Variants in CDK14 observed in about 807,000 individuals in gnomAD.
CDK14 encodes cyclin dependent kinase 14, also known as cyclin-dependent kinase 14.
In CDK14, 34 loss-of-function variants were observed where a neutral mutation model predicts 60.7. The ratio of observed to expected loss-of-function variants is 0.56; its 90% CI spans 0.43 to 0.75. CDK14 has a LOEUF of 0.75. CDK14 is among the 30% of genes least tolerant of loss of function. CDK14 has a pLI of 0.00. For missense variants in CDK14, 482 were observed against 564.1 expected, an observed-to-expected ratio of 0.85 and a Z score of 1.47; for synonymous variants, 197 against 203.7, an observed-to-expected ratio of 0.97 and a Z score of 0.28.
intron 7 of CDK14, 124 bp downstream of exon 7, chr7:90,899,477 A>G: frequency 3.5e-6 from 2 of 571,564 alleles, no homozygotes; most frequent in Non-Finnish European, 5.8e-6. Context: ...GAGAAGGGAT[A>G]TTGAGGTGAA....
intron 14 of CDK14, among the ~76,000 whole-genome samples, chr7:91,201,391 C>T (rs928959344): frequency 2.6e-5 from 4 of 152,066 alleles, no homozygotes; most frequent in South Asian, 4.2e-4. Context: ...ACAATTTAGG[C>T]GATGAAAGGA....
Position 90,917,699 on chromosome 7 carries a change from G to A in CDK14, c.801G>A (p.Thr267=), listed in dbSNP as rs762907025. Residue 267 remains threonine (T), a synonymous_variant, in exon 8 of 15, where the codon ACG becomes ACA. Transcript: ENST00000380050. ...LKPQNLLISD[T]GELKLADFGL... is the part of the protein sequence containing the mutation. The stretch of plus-strand genomic sequence containing the variant: ...CACAGAACCTTCTGATCAGTGACAC[G>A]GGGGAGTTAAAGCTGGCAGATTTCG... The A allele has an allele frequency of 1.1e-5, 17 of 1,613,000 alleles. No individual in the cohort carries two copies. The highest frequency in any genetic ancestry group is 6.7e-5 in the African/African-American group (5 of 74,860).
chr7:90,923,791 G>C (rs1481362987), intron 8 of CDK14, among the ~76,000 whole-genome samples: 1 of 152,182 alleles, frequency 6.6e-6, no homozygotes, highest in Admixed American at 6.5e-5. Context: ...TGTACAATTT[G>C]AGGGCAGAAT....
intron 5 of CDK14, among the ~76,000 whole-genome samples, chr7:90,847,139 T>C (rs988462519): frequency 2.6e-5 from 4 of 152,206 alleles, no homozygotes; most frequent in African/African-American, 7.2e-5. Context: ...CTGGAGGTGT[T>C]CTTGGATGCT....
rs1414977982 is a variant in CDK14, at chr7:91,112,590, A to G, written c.1203A>G (p.Gln401=). ...HAEDLASKLL[Q]CSPKNRLSAQ... is the part of the protein sequence containing the mutation. Reference sequence around the variant, plus strand: ...AGGACCTGGCCTCCAAGCTCCTACAATGTTCCCCAAAGAACAGACTGTCGG... The same window carrying G: ...AGGACCTGGCCTCCAAGCTCCTACAGTGTTCCCCAAAGAACAGACTGTCGG... The change falls in exon 13 of 15, where the codon CAA becomes CAG. Residue 401 remains glutamine (Q), a synonymous_variant. Coordinates refer to ENST00000380050, the MANE Select transcript of CDK14 (RefSeq NM_001287135.2). 8.1e-6 allele frequency: 13 copies of G among 1,613,744 alleles called. No homozygotes were observed. Among genetic ancestry groups the G allele is most frequent in the Admixed American group, 1.7e-5 (1 of 59,992 alleles).
intron 14 of CDK14, among the ~76,000 whole-genome samples, chr7:91,152,270 A>G (rs968571063): frequency 1.3e-5 from 2 of 152,174 alleles, no homozygotes; most frequent in Non-Finnish European, 2.9e-5. Flanking sequence ...ATCAGTCAAA[A>G]TTCTTTTTTG....
rs374323069 is a variant in CDK14, at chr7:90,890,640, T to C, written c.640-8651T>C. ...TAAAGCATAACAGGGAAAAGTGCAA[T>C]TTCAAAGTCAATTTAATCTTGTGGA... On this transcript the variant is annotated intron_variant, in intron 6 of 14. Coordinates refer to ENST00000380050, the MANE Select transcript of CDK14 (RefSeq NM_001287135.2). Among the ~76,000 whole-genome samples the C allele has an allele frequency of 1.2e-4, 18 of 152,340 alleles. No individual in the cohort carries two copies. In the South Asian group the frequency reaches 3.7e-3, roughly 32 times the overall value.
intron 2 of CDK14, among the ~76,000 whole-genome samples, chr7:90,677,495 T>TA (rs1801226588): frequency 6.6e-6 from 1 of 152,248 alleles, no homozygotes; most frequent in Non-Finnish European, 1.5e-5. Context: ...GAGATGTTTG[T>TA]AAAATCTTGG....
At chr7:90,905,371 C>G (rs1005462159) in intron 7 of CDK14, among the ~76,000 whole-genome samples, 6 of 151,986 alleles carry the variant, frequency 3.9e-5, no homozygotes, top group African/African-American at 1.5e-4. Flanking sequence ...AACAAACTGA[C>G]AAACAAAAGA....
chr7:91,024,659 ATAAC>A (rs923689433), intron 10 of CDK14, among the ~76,000 whole-genome samples: 27 of 152,214 alleles, frequency 1.8e-4, no homozygotes, highest in African/African-American at 6.3e-4. Context: ...TCAAAAATAA[ATAAC>A]TAAACAAGTT....
At position 90,822,577 on chromosome 7, in the gene CDK14, T is replaced by C. The variant is rs538002082; in HGVS notation, c.544+31925T>C. On this transcript the variant is annotated intron_variant, in intron 5 of 14. Transcript: ENST00000380050. ...TCCACTCCTTTTGCTGCCCAGTAAC[T>C]CTCTTCCCTTACCTGCAGAGCAGCC... Among the ~76,000 whole-genome samples, 14 of 152,212 alleles carry C rather than the reference T, an allele frequency of 9.2e-5. No homozygotes were observed. In the South Asian group the frequency reaches 2.7e-3, roughly 29 times the overall value.
intron 12 of CDK14, among the ~76,000 whole-genome samples, chr7:91,106,294 A>G (rs184048694): frequency 3.9e-5 from 6 of 152,322 alleles, no homozygotes; most frequent in African/African-American, 1.4e-4. Context: ...TCAGAGGGTT[A>G]AGGGAAAATG....
At position 91,210,414 on chromosome 7, in the gene CDK14, A is replaced by T. The variant is rs990982672; in HGVS notation, c.*3278A>T. ...GGTACCTAAGAAATGTGGTAGCATT[A>T]TTCAGAAAACTATTATACTTTCAAA... is the stretch of plus-strand genomic sequence containing the variant. On this transcript the variant is annotated 3_prime_UTR_variant, in exon 15 of 15. Coordinates refer to ENST00000380050, the MANE Select transcript of CDK14 (RefSeq NM_001287135.2). 2 of 152,560 alleles carry T rather than the reference A, an allele frequency of 1.3e-5. No individual in the cohort carries two copies. The highest frequency in any genetic ancestry group is 2.9e-5 in the Non-Finnish European group (2 of 68,030). 9.5% of individuals were successfully genotyped at this position (152,560 alleles called of 1,614,324 possible). A position where few individuals can be genotyped will look rare whatever the true frequency, so the allele number is the denominator to read the frequency against.
At chr7:90,821,896 C>T (rs917463611) in intron 5 of CDK14, among the ~76,000 whole-genome samples, 1 of 152,206 alleles carries the variant, frequency 6.6e-6, no homozygotes, top group East Asian at 1.9e-4. Flanking sequence ...TTCCTTGAGA[C>T]CCCTGCCCAC....
intron 4 of CDK14, among the ~76,000 whole-genome samples, chr7:90,774,205 G>A (rs963418720): frequency 2.0e-5 from 3 of 152,008 alleles, no homozygotes; most frequent in African/African-American, 7.3e-5. Flanking sequence ...CGCCAGGCCA[G>A]CACAGGTCTT....
At chr7:90,812,454 C>A (rs996882849) in intron 5 of CDK14, among the ~76,000 whole-genome samples, 8 of 151,810 alleles carry the variant, frequency 5.3e-5, no homozygotes, top group Non-Finnish European at 8.8e-5. Flanking sequence ...ATATCACACA[C>A]TGGGGCCTGT....
chr7:91,068,175 A>G (rs1286695044), intron 11 of CDK14, among the ~76,000 whole-genome samples: 1 of 152,224 alleles, frequency 6.6e-6, no homozygotes, highest in African/African-American at 2.4e-5. Context: ...ATTATGTTGC[A>G]TCTTGTAAAA....
chr7:91,010,831 TC>T (rs1796135483), intron 10 of CDK14, among the ~76,000 whole-genome samples: 14 of 64,042 alleles, frequency 2.2e-4, no homozygotes, highest in African/African-American at 9.6e-4. Context: ...CTTCCTTCCT[TC>T]CTCCCTCCCT....
rs549465202 is a variant in CDK14 at position 90,670,838 on chromosome 7, T to C, written c.124-55729T>C. Among the ~76,000 whole-genome samples the C allele has an allele frequency of 2.6e-5, 4 of 152,262 alleles. No individual in the cohort carries two copies. The South Asian group carries it at 8.3e-4, about 32-fold the overall frequency. On this transcript the variant is annotated intron_variant, in intron 2 of 14. Transcript: ENST00000380050. Reference sequence around the variant, plus strand: ...TCGGGTGGGACAGATATCCAAATCATATCATTCTACCCTTGCCCTCCCCAA... The same window carrying C: ...TCGGGTGGGACAGATATCCAAATCACATCATTCTACCCTTGCCCTCCCCAA...
Sources: allele counts gnomAD v4.1 joint callset (sites outside exome capture counted in the v4.1 genomes callset), GRCh38; gene constraint gnomAD v4.1.1; transcripts MANE v1.5; gene names NCBI Gene and HGNC (gene_info 2026-07-23, HGNC 2026-07-21).